The following STARD13 variants were observed in gnomAD, a reference collection of about 807,000 sequenced individuals.
STARD13 encodes the protein stAR-related lipid transfer protein 13.
In STARD13, 62 loss-of-function variants were observed where a neutral mutation model predicts 106.4. The observed-to-expected ratio is 0.58, with a 90% CI of 0.48 to 0.72. STARD13 has a LOEUF of 0.72. Among genes scored for constraint, STARD13 ranks in the 30% least tolerant of loss-of-function variants. The pLI is 0.00. For missense variants in STARD13, 1,387 were observed against 1,424.0 expected (o/e 0.97, Z 0.42); for synonymous variants, 565 against 553.0 (o/e 1.02, Z -0.31).
At chr13:33,495,235 A>G in the STARD13 span, among the ~76,000 whole-genome samples, 3 of 152,322 alleles carry the variant, frequency 2.0e-5, no homozygotes, top group Admixed American at 1.3e-4. Flanking sequence ...CAATTAAAAA[A>G]CTATTCAGAA....
chr13:33,314,585 A>G (rs1217914741), intron 1 of STARD13, among the ~76,000 whole-genome samples: 1 of 152,236 alleles, frequency 6.6e-6, no homozygotes, highest in Non-Finnish European at 1.5e-5. Context: ...TGCATATAGC[A>G]GACATTTCAT....
the STARD13 span, among the ~76,000 whole-genome samples, chr13:33,635,818 A>C: frequency 6.7e-6 from 1 of 149,524 alleles, no homozygotes; most frequent in African/African-American, 2.5e-5. Context: ...CCCCGTCTCT[A>C]CTAAAAATAC....
At chr13:33,659,427 G>A in the STARD13 span, among the ~76,000 whole-genome samples, 10 of 152,246 alleles carry the variant, frequency 6.6e-5, no homozygotes, top group South Asian at 2.1e-4. Flanking sequence ...TGTTGGCCAG[G>A]ATGGTCTCAA....
Position 33,110,841 on chromosome 13 carries a change from G to C in STARD13, c.2674C>G (p.Leu892Val), listed in dbSNP as rs756589256. The C allele has an allele frequency of 6.2e-7, 1 of 1,614,084 alleles. No individual in the cohort carries two copies. Among genetic ancestry groups the C allele is most frequent in the South Asian group, 1.1e-5 (1 of 91,066 alleles). ...YVEAEIHVPT[L>V]EELGTQLEES... ...TCCAGCTGTGTCCCCAATTCTTCCA[G>C]GGTTGGCACGTGGATCTCAGCCTCC... is the stretch of plus-strand genomic sequence containing the variant. Residue 892 changes from leucine to valine, a missense_variant, in exon 11 of 14, where the codon CTG becomes GTG. Physicochemically the swap from Leu to Val is conservative, Grantham distance 32. Transcript: ENST00000336934.
At chr13:33,647,192 G>A in the STARD13 span, among the ~76,000 whole-genome samples, 1 of 152,182 alleles carries the variant, frequency 6.6e-6, no homozygotes, top group African/African-American at 2.4e-5. Context: ...TTGATGGCAT[G>A]TGAACGGATT....
intron 1 of STARD13, among the ~76,000 whole-genome samples, chr13:33,269,157 C>T (rs959039592): frequency 2.0e-5 from 3 of 152,174 alleles, no homozygotes; most frequent in African/African-American, 7.2e-5. Flanking sequence ...AGGGTGTTTA[C>T]CAATTTTTGA....
intron 3 of STARD13, among the ~76,000 whole-genome samples, chr13:33,161,044 C>T (rs1348997885): frequency 6.6e-6 from 1 of 152,122 alleles, no homozygotes; most frequent in African/African-American, 2.4e-5. Flanking sequence ...GGATAAACAA[C>T]CGTAGGACAT....
intron 1 of STARD13, among the ~76,000 whole-genome samples, chr13:33,295,674 G>C (rs935765786): frequency 2.0e-5 from 3 of 152,070 alleles, no homozygotes; most frequent in Non-Finnish European, 2.9e-5. Context: ...TGCGTTGCTG[G>C]TGCTATGACA....
intron 4 of STARD13, among the ~76,000 whole-genome samples, chr13:33,140,036 C>T (rs1286266550): frequency 6.6e-6 from 1 of 152,160 alleles, no homozygotes; most frequent in Non-Finnish European, 1.5e-5. Flanking sequence ...GCTTTAAGGG[C>T]GTGTGCCACT....
chr13:33,675,300 C>G, the STARD13 span, among the ~76,000 whole-genome samples: 22 of 152,316 alleles, frequency 1.4e-4, no homozygotes, highest in Admixed American at 1.2e-3. Context: ...AATCTGTGCG[C>G]AGCTAATCAG....
At chr13:33,644,786 C>A in the STARD13 span, among the ~76,000 whole-genome samples, 1 of 152,180 alleles carries the variant, frequency 6.6e-6, no homozygotes, top group Non-Finnish European at 1.5e-5. Context: ...CTGAAATGCT[C>A]CACTCCCTCC....
the STARD13 span, among the ~76,000 whole-genome samples, chr13:33,490,621 G>A: frequency 4.6e-5 from 7 of 152,040 alleles, no homozygotes; most frequent in Non-Finnish European, 1.5e-5. Flanking sequence ...CCATCCCCCA[G>A]CCCCCGCCCT....
chr13:33,110,704 T>C lies in STARD13; in HGVS notation c.2811A>G (p.Thr937=), dbSNP rs754952218. Residue 937 remains threonine (T), a synonymous_variant, in exon 11 of 14, where the codon ACA becomes ACG. Coordinates refer to ENST00000336934, the MANE Select transcript of STARD13 (RefSeq NM_178006.4). ...AGATTACCTTTTTGAAAGCAAGATC[T>C]GTATTGTCCGTGCTGGAGCACGTGA... ...GWVTCSSTDN[T]DLAFKKVGDG... is the part of the protein sequence containing the mutation. 1.2e-6 allele frequency: 2 copies of C among 1,614,062 alleles called. No individual in the cohort carries two copies. The highest frequency in any genetic ancestry group is 1.3e-5 in the African/African-American group (1 of 74,956).
At chr13:33,367,475 C>T in the STARD13 span, among the ~76,000 whole-genome samples, 1 of 152,042 alleles carries the variant, frequency 6.6e-6, no homozygotes, top group Non-Finnish European at 1.5e-5. Context: ...AAAACTATCA[C>T]TTCCCAAAGG....
chr13:33,659,226 T>TC, the STARD13 span, among the ~76,000 whole-genome samples: 37 of 45,330 alleles, frequency 8.2e-4, no homozygotes, highest in Admixed American at 2.5e-3. Context: ...TTTTCTTTTT[T>TC]TTTTTTTTTT....
At chr13:33,299,155 A>G (rs1172288772) in intron 1 of STARD13, among the ~76,000 whole-genome samples, 2 of 152,222 alleles carry the variant, frequency 1.3e-5, no homozygotes, top group Non-Finnish European at 2.9e-5. Flanking sequence ...TAGGAGCAAT[A>G]GGCCACCCCA....
At chr13:33,225,085 ATATT>A (rs1888553389) in intron 1 of STARD13, among the ~76,000 whole-genome samples, 1 of 152,250 alleles carries the variant, frequency 6.6e-6, no homozygotes, top group African/African-American at 2.4e-5. Context: ...AAAAATAGAT[ATATT>A]TCTTTCTTTC....
chr13:33,486,993 G>A, the STARD13 span, among the ~76,000 whole-genome samples: 1 of 152,126 alleles, frequency 6.6e-6, no homozygotes, highest in African/African-American at 2.4e-5. Flanking sequence ...ACCGTAGCCT[G>A]GAATAACCAT....
the STARD13 span, among the ~76,000 whole-genome samples, chr13:33,452,806 A>G: frequency 5.9e-5 from 9 of 152,244 alleles, no homozygotes; most frequent in African/African-American, 2.2e-4. Flanking sequence ...ATCTATGCAT[A>G]ATAAACAAAT....
Sources: allele counts gnomAD v4.1 joint callset (sites outside exome capture counted in the v4.1 genomes callset), GRCh38; gene constraint gnomAD v4.1.1; transcripts MANE v1.5; gene names NCBI Gene and HGNC (gene_info 2026-07-23, HGNC 2026-07-21).